Variants in LMO1 observed in about 807,000 individuals in gnomAD.
The protein encoded by LMO1 is LIM domain only 1.
In LMO1, 10 loss-of-function variants were observed where a neutral mutation model predicts 18.0. The observed-to-expected ratio is 0.55, with a 90% CI of 0.34 to 0.94. The LOEUF (loss-of-function observed/expected upper bound fraction) is 0.94. Among genes scored for constraint, LMO1 ranks in the 40% least tolerant of loss-of-function variants. LMO1 has a pLI of 0.02. For missense variants in LMO1, 183 were observed against 205.7 expected (o/e 0.89, Z 0.68); for synonymous variants, 77 against 77.9 (o/e 0.99, Z 0.06).
At chr11:8,249,649 C>CG (rs933290353) in intron 1 of LMO1, among the ~76,000 whole-genome samples, 1 of 152,194 alleles carries the variant, frequency 6.6e-6, no homozygotes, top group African/African-American at 2.4e-5. Flanking sequence ...CTCCTACCCA[C>CG]GGCCTGCAAG....
At chr11:8,234,622 C>T (rs1222261480) in intron 1 of LMO1, among the ~76,000 whole-genome samples, 1 of 152,168 alleles carries the variant, frequency 6.6e-6, no homozygotes, top group Non-Finnish European at 1.5e-5. Context: ...CCAGGTCACT[C>T]CAGGCTCTTC....
At chr11:8,237,071 T>C (rs868134202) in intron 1 of LMO1, among the ~76,000 whole-genome samples, 2 of 151,962 alleles carry the variant, frequency 1.3e-5, no homozygotes, top group South Asian at 2.1e-4. Context: ...AACCCTCTAG[T>C]GTTACCCTCA....
intron 1 of LMO1, among the ~76,000 whole-genome samples, chr11:8,243,445 G>T (rs1846832972): frequency 6.6e-6 from 1 of 152,208 alleles, no homozygotes. Flanking sequence ...CGGAAACCTG[G>T]TGGGAGAAAG....
chr11:8,230,546 T>C, intron 1 of LMO1, 42 bp from the exon 2 acceptor site: 1 of 1,568,448 alleles, frequency 6.4e-7, no homozygotes, highest in Non-Finnish European at 8.7e-7. Context: ...ATGGGCCCCG[T>C]AGCTCTGGGC....
chr11:8,251,689 G>A (rs58087592), intron 1 of LMO1, among the ~76,000 whole-genome samples: 2,550 of 152,152 alleles, frequency 0.017, 62 homozygotes, highest in African/African-American at 0.056. Context: ...GAGAGAGAGA[G>A]TGCATGTGTC....
At chr11:8,238,245 T>C (rs1230635818) in intron 1 of LMO1, among the ~76,000 whole-genome samples, 1 of 152,252 alleles carries the variant, frequency 6.6e-6, no homozygotes, top group East Asian at 1.9e-4. Flanking sequence ...AATGAATTAC[T>C]AATATATACT....
intron 1 of LMO1, among the ~76,000 whole-genome samples, chr11:8,250,552 C>T (rs991910753): frequency 6.6e-6 from 1 of 152,246 alleles, no homozygotes; most frequent in Non-Finnish European, 1.5e-5. Context: ...CAGCTTGGAA[C>T]CAGGTGCCTG....
chr11:8,265,048 T>A (rs185762967), upstream of LMO1, among the ~76,000 whole-genome samples: 39 of 152,302 alleles, frequency 2.6e-4, no homozygotes, highest in East Asian at 7.3e-3. Flanking sequence ...CAGACAGATG[T>A]GTTGGAGGCT....
chr11:8,252,483 T>G (rs1019654569), intron 1 of LMO1, among the ~76,000 whole-genome samples: 2 of 152,210 alleles, frequency 1.3e-5, no homozygotes, highest in African/African-American at 4.8e-5. Flanking sequence ...TCTGCCCCAC[T>G]TCCTTGAGTG....
chr11:8,256,008 G>T (rs1847091120), intron 1 of LMO1, among the ~76,000 whole-genome samples: 1 of 151,816 alleles, frequency 6.6e-6, no homozygotes, highest in Middle Eastern at 3.4e-3. Flanking sequence ...TGTATTTTTG[G>T]TAGAGACGGG....
At chr11:8,256,589 A>G (rs1029150913) in intron 1 of LMO1, among the ~76,000 whole-genome samples, 3 of 152,200 alleles carry the variant, frequency 2.0e-5, no homozygotes, top group Non-Finnish European at 4.4e-5. Context: ...CCCCAGTTGT[A>G]TCAGCTACTG....
At chr11:8,246,682 T>C (rs565341631) in intron 1 of LMO1, among the ~76,000 whole-genome samples, 2 of 152,362 alleles carry the variant, frequency 1.3e-5, no homozygotes, top group East Asian at 3.9e-4. Context: ...TTTTGTGGTA[T>C]GCAAATGATA....
chr11:8,236,139 C>T (rs1046824928), intron 1 of LMO1, among the ~76,000 whole-genome samples: 4 of 152,062 alleles, frequency 2.6e-5, no homozygotes, highest in African/African-American at 9.7e-5. Context: ...GGTGACAGCT[C>T]CAGGACCCTC....
At chr11:8,232,397 A>C (rs1472666257) in intron 1 of LMO1, among the ~76,000 whole-genome samples, 2 of 152,160 alleles carry the variant, frequency 1.3e-5, no homozygotes, top group Non-Finnish European at 2.9e-5. Context: ...TGAGAACTGA[A>C]GGGGTCTTGT....
chr11:8,239,234 C>T lies in LMO1; in HGVS notation c.26-8730G>A, dbSNP rs1952813172. On this transcript the variant is annotated intron_variant, in intron 1 of 3. Coordinates refer to ENST00000335790, the MANE Select transcript of LMO1 (RefSeq NM_002315.3). ...GGTGCAGCCTGGATGCCAGATGGTG[C>T]TGGGGTGGGGGCTGGGGACATACTT... Among the ~76,000 whole-genome samples, 3 of 152,150 alleles carry T rather than the reference C, an allele frequency of 2.0e-5. No homozygotes were observed. In the South Asian group the frequency reaches 6.2e-4, roughly 32 times the overall value.
intron 1 of LMO1, among the ~76,000 whole-genome samples, chr11:8,241,889 T>C (rs1031436485): frequency 8.5e-5 from 13 of 152,146 alleles, no homozygotes; most frequent in African/African-American, 2.7e-4. Flanking sequence ...TTGTCCACTA[T>C]TGTGTTCCCA....
At chr11:8,256,105 G>A (rs562671507) in intron 1 of LMO1, among the ~76,000 whole-genome samples, 9 of 152,310 alleles carry the variant, frequency 5.9e-5, no homozygotes, top group East Asian at 1.9e-4. Context: ...GATTATAGGC[G>A]TGAGCCACCG....
At chr11:8,261,274 T>A (rs1324889603) in intron 1 of LMO1, among the ~76,000 whole-genome samples, 5 of 152,090 alleles carry the variant, frequency 3.3e-5, no homozygotes, top group Non-Finnish European at 7.4e-5. Flanking sequence ...CATCTGGAGC[T>A]CTCTTCCACA....
At chr11:8,226,220 C>T (rs1003100368) in intron 3 of LMO1, among the ~76,000 whole-genome samples, 9 of 152,016 alleles carry the variant, frequency 5.9e-5, no homozygotes, top group Admixed American at 2.0e-4. Flanking sequence ...ACAGGCTGGG[C>T]GCGGTGGCTC....
Sources: allele counts gnomAD v4.1 joint callset (sites outside exome capture counted in the v4.1 genomes callset), GRCh38; gene constraint gnomAD v4.1.1; transcripts MANE v1.5; gene names NCBI Gene and HGNC (gene_info 2026-07-23, HGNC 2026-07-21).